Variants in SAMD11 observed in about 807,000 individuals in gnomAD.
The protein encoded by SAMD11 is sterile alpha motif domain containing 11, also known as sterile alpha motif domain-containing protein 11.
A neutral mutation model predicts 64.4 loss-of-function variants in SAMD11; 77 were observed. The observed-to-expected ratio is 1.20, with a 90% CI of 0.99 to 1.44. SAMD11 has a LOEUF of 1.44. SAMD11 is among the 40% of genes most tolerant of loss of function. The pLI, the probability that SAMD11 is intolerant of heterozygous loss-of-function variation, is 0.00. For synonymous variants in SAMD11, 658 were observed against 421.9 expected (o/e 1.56, Z -6.86); for missense variants, 1,402 against 943.3 (o/e 1.49, Z -6.37).
intron 2 of SAMD11, 40 bp downstream of exon 2, chr1:926,053 C>A: frequency 6.3e-7 from 1 of 1,576,130 alleles, no homozygotes; most frequent in Non-Finnish European, 8.7e-7. Context: ...AGTTACTCTC[C>A]CCTGCGGAGC....
At chr1:943,573 C>T (rs1641955748) in intron 12 of SAMD11, 125 bp from the exon 13 acceptor site, 1 of 902,366 alleles carries the variant, frequency 1.1e-6, no homozygotes, top group African/African-American at 1.9e-5. Context: ...GCCTGACACT[C>T]AAACCCAACA....
rs1641347656 is a variant in SAMD11 at position 934,926 on chromosome 1, GTGGGCGGGGGGGGCGGCTGCGT to G, written c.843-844_843-823del. Among the ~76,000 whole-genome samples the G allele has an allele frequency of 1.8e-5, 2 of 108,930 alleles. 1 individual carries two copies. Among genetic ancestry groups the G allele is most frequent in the Admixed American group, 1.9e-4 (2 of 10,286 alleles). 71.5% of individuals were successfully genotyped at this position (108,930 alleles called of 152,430 possible). A position where few individuals can be genotyped will look rare whatever the true frequency, so the allele number is the denominator to read the frequency against. ...GGCGGGGGAGGCGGCTGCGTTACAG[GTGGGCGGGGGGGGCGGCTGCGT>G]TACAGGTGGGCGGGCGGTGCTGCAG... On this transcript the variant is annotated intron_variant, in intron 4 of 13. Coordinates refer to ENST00000616016, the MANE Select transcript of SAMD11 (RefSeq NM_001385641.1).
At chr1:943,511 G>A (rs1641945121) in intron 12 of SAMD11, 134 bp downstream of exon 12, 1 of 954,746 alleles carries the variant, frequency 1.0e-6, no homozygotes, top group Non-Finnish European at 1.5e-6. Flanking sequence ...GCAGGGACTG[G>A]ACTGTGCACC....
At chr1:928,583 C>T (rs1641020823) in intron 2 of SAMD11, among the ~76,000 whole-genome samples, 1 of 152,274 alleles carries the variant, frequency 6.6e-6, no homozygotes, top group Non-Finnish European at 1.5e-5. Context: ...AGGCATCATA[C>T]CTTCGGCCTT....
In SAMD11 at chr1:942,955, C is replaced by G; in HGVS notation, c.1950C>G (p.Gly650=). Residue 650 remains glycine (G), a synonymous_variant, in exon 11 of 14, where the codon GGC becomes GGG. Coordinates refer to ENST00000616016, the MANE Select transcript of SAMD11 (RefSeq NM_001385641.1). ...AAVGCRGPTP[G]QAPAGGAGAE... is the part of the protein sequence containing the mutation. Reference sequence around the variant, plus strand: ...TTGGGTGCAGGGGGCCCACTCCGGGCCAAGCTCCAGCTGGAGGGGCCGGCG... The same window carrying G: ...TTGGGTGCAGGGGGCCCACTCCGGGGCAAGCTCCAGCTGGAGGGGCCGGCG... The G allele has an allele frequency of 1.3e-6, 2 of 1,546,306 alleles. No individual in the cohort carries two copies. Among genetic ancestry groups the G allele is most frequent in the Non-Finnish European group, 1.7e-6 (2 of 1,146,812 alleles).
chr1:928,160 G>A lies in SAMD11; in HGVS notation c.610-1995G>A, dbSNP rs113291104. Among the ~76,000 whole-genome samples, 630 of 152,320 alleles carry A rather than the reference G, an allele frequency of 4.1e-3. 3 individuals carry two copies. The highest frequency in any genetic ancestry group is 0.014 in the Middle Eastern group (4 of 294). On this transcript the variant is annotated intron_variant, in intron 2 of 13. Transcript: ENST00000616016. ...TGTAATCCCAGCACTTTGGGAGGCCGAGGCGGGCGGATCACGAGGTCAGGA... is the reference window on the plus strand; with the variant it reads ...TGTAATCCCAGCACTTTGGGAGGCCAAGGCGGGCGGATCACGAGGTCAGGA...
chr1:940,408 G>T (rs1273750672), intron 7 of SAMD11: 1 of 151,940 alleles, frequency 6.6e-6, no homozygotes, highest in Non-Finnish European at 1.5e-5. Flanking sequence ...GGCCGCGCCG[G>T]CTGGGCTCTG....
At chr1:942,292 G>T in intron 9 of SAMD11, 41 bp downstream of exon 9, 1 of 1,039,800 alleles carries the variant, frequency 9.6e-7, no homozygotes, top group South Asian at 2.1e-5. Context: ...CCCGCGTGGA[G>T]GCTCGCGGAC....
chr1:939,233 C>T, intron 6 of SAMD11, 42 bp from the exon 7 acceptor site: 4 of 1,559,778 alleles, frequency 2.6e-6, no homozygotes, highest in Non-Finnish European at 3.5e-6. Context: ...TGGTCCTCGG[C>T]AGTGCCTGGA....
rs1258417106 is a variant in SAMD11 at position 941,231 on chromosome 1, G to A, written c.1283G>A (p.Gly428Asp). ...GCCCACCTGCCCTCCTCCACGGCAG[G>A]TCAGCGTCGGAAGCAGGGCCTGGCT... ...LEAHLPSSTAGQRRKQGLAQH... is the reference protein window; with the variant it reads ...LEAHLPSSTADQRRKQGLAQH... Residue 428 changes from glycine to aspartate, a missense_variant, in exon 8 of 14, where the codon GGT (glycine) becomes GAT (aspartate). By Grantham distance (94) the Gly-to-Asp change is moderately conservative. Transcript: ENST00000616016. 6.2e-7 allele frequency: 1 copy of A among 1,601,518 alleles called. No individual in the cohort carries two copies. Among genetic ancestry groups the A allele is most frequent in the African/African-American group, 1.3e-5 (1 of 74,688 alleles).
Position 924,545 on chromosome 1 carries a change from G to T in SAMD11, c.114G>T (p.Ala38=). The T allele has an allele frequency of 6.6e-6, 1 of 150,576 alleles. No individual in the cohort carries two copies. Among genetic ancestry groups the T allele is most frequent in the Non-Finnish European group, 1.5e-5 (1 of 67,278 alleles). The allele number at this position is 150,576 out of a possible 1,614,324, so 9.3% of individuals were successfully genotyped here. Reference sequence around the variant, plus strand: ...TGCCGCCGCTGCCAGGCTACCTGGCGCCACTGCCCGCGGCGGCCGCCCTCC... The same window carrying T: ...TGCCGCCGCTGCCAGGCTACCTGGCTCCACTGCCCGCGGCGGCCGCCCTCC... ...LPLPPLPGYL[A]PLPAAAALPP... Residue 38 remains alanine (A), a synonymous_variant, in exon 1 of 14, where the codon GCG becomes GCT. Transcript: ENST00000616016.
chr1:940,780 C>T (rs532962593), intron 7 of SAMD11, among the ~76,000 whole-genome samples: 37 of 152,338 alleles, frequency 2.4e-4, no homozygotes, highest in African/African-American at 8.7e-4. Flanking sequence ...AGGGGGTCCC[C>T]TGGGCGGTCA....
At chr1:937,717 C>T (rs893932205) in intron 5 of SAMD11, among the ~76,000 whole-genome samples, 1 of 152,176 alleles carries the variant, frequency 6.6e-6, no homozygotes, top group Non-Finnish European at 1.5e-5. Context: ...CCCGCCGGGC[C>T]CAGCCACCCG....
At chr1:928,119 T>A (rs28718350) in intron 2 of SAMD11, among the ~76,000 whole-genome samples, 27 of 151,744 alleles carry the variant, frequency 1.8e-4, no homozygotes, top group Non-Finnish European at 4.4e-5. Context: ...GGAGGCCGGG[T>A]GTGGTGGCGC....
chr1:941,377 G>A lies in SAMD11; in HGVS notation c.1358+71G>A, dbSNP rs1044459783. 5.0e-6 allele frequency: 7 copies of A among 1,395,572 alleles called. No individual in the cohort carries two copies. The African/African-American group carries it at 8.7e-5, about 17-fold the overall frequency. The allele number at this position is 1,395,572 out of a possible 1,614,324, so 86.4% of individuals were successfully genotyped here. A position where few individuals can be genotyped will look rare whatever the true frequency, so the allele number is the denominator to read the frequency against. On this transcript the variant is annotated intron_variant, in intron 8 of 13. Coordinates refer to ENST00000616016, the MANE Select transcript of SAMD11 (RefSeq NM_001385641.1). The stretch of plus-strand genomic sequence containing the variant: ...CGCACCCCCGCGCTCTCAGCCACCA[G>A]CACGCGCCCCGAGAGTGCCAAGCAC...
At chr1:930,882 C>G (rs1221870427) in intron 3 of SAMD11, among the ~76,000 whole-genome samples, 157 bp from the exon 4 acceptor site, 1 of 152,280 alleles carries the variant, frequency 6.6e-6, no homozygotes, top group Non-Finnish European at 1.5e-5. Flanking sequence ...GAGCCAGTAG[C>G]AGGTGGTGCT....
intron 12 of SAMD11, 144 bp from the exon 13 acceptor site, chr1:943,554 G>GT (rs1641953393): frequency 3.9e-6 from 3 of 765,058 alleles, no homozygotes; most frequent in Non-Finnish European, 5.7e-6. Context: ...TTTTTGCCAG[G>GT]TGTTTTCTGC....
rs1641918690 is a variant in SAMD11, at chr1:943,241, C to T, written c.2054-12C>T. ...GCCAGCCAGAGCCCTAGTAACACGC[C>T]CCACAACTCAGGCGCGGTAGGGGGA... On this transcript the variant is annotated splice_polypyrimidine_tract_variant and intron_variant, in intron 11 of 13. Transcript: ENST00000616016. 6.2e-7 allele frequency: 1 copy of T among 1,612,808 alleles called. No individual in the cohort carries two copies. Among genetic ancestry groups the T allele is most frequent in the Non-Finnish European group, 8.5e-7 (1 of 1,179,794 alleles).
At chr1:939,503 A>AGCCACATGTACT in intron 7 of SAMD11, 91 bp downstream of exon 7, 2 of 1,581,458 alleles carry the variant, frequency 1.3e-6, no homozygotes, top group Non-Finnish European at 1.7e-6. Context: ...TCACCTCCCC[A>AGCCACATGTACT]GCCACATGTA....
Sources: allele counts gnomAD v4.1 joint callset (sites outside exome capture counted in the v4.1 genomes callset), GRCh38; gene constraint gnomAD v4.1.1; transcripts MANE v1.5; gene names NCBI Gene and HGNC (gene_info 2026-07-23, HGNC 2026-07-21).